Variants in SHANK1 observed in about 807,000 individuals in gnomAD.
SHANK1 encodes the protein SH3 and multiple ankyrin repeat domains 1.
A neutral mutation model predicts 165.6 loss-of-function variants in SHANK1; 35 were observed. The observed-to-expected ratio is 0.21, with a 90% confidence interval of 0.16 to 0.28. The LOEUF is 0.28. SHANK1 is among the 10% of genes least tolerant of loss of function. The probability of loss-of-function intolerance (pLI) is 1.00; values close to 1 mark genes in which losing one functional copy is unlikely to be tolerated. For missense variants in SHANK1, 2,681 were observed against 3,036.4 expected (o/e 0.88, Z 2.75); for synonymous variants, 1,428 against 1,384.8 (o/e 1.03, Z -0.69).
At chr19:50,674,488 C>T (rs569845481) in intron 21 of SHANK1, among the ~76,000 whole-genome samples, 4 of 152,338 alleles carry the variant, frequency 2.6e-5, no homozygotes, top group Admixed American at 1.3e-4. Context: ...CCAGTTCCCT[C>T]GCTTCTCACT....
intron 6 of SHANK1, among the ~76,000 whole-genome samples, chr19:50,712,828 C>T (rs547954434): frequency 1.1e-4 from 17 of 152,350 alleles, no homozygotes; most frequent in African/African-American, 4.1e-4. Context: ...AGCACTTGAA[C>T]GTGGCTAGTG....
rs893602809 is a variant in SHANK1 at position 50,667,034 on chromosome 19, A to C, written c.4926T>G (p.Pro1642=). The change falls in exon 23 of 24, where the codon CCT becomes CCG. Residue 1642 remains proline (P), a synonymous_variant. Transcript: ENST00000293441. The surrounding 1 kb of genome is among the most constrained non-coding windows in gnomAD (Gnocchi z 5.7). ...GCGGGCCTGGTGGATGGGGGTCCCC[A>C]GGAGCGGCGGAGGCCCCCTGGGTCA... ...ATLTQGASAA[P]GDPHPPGPPA... The C allele has an allele frequency of 5.8e-6, 9 of 1,548,208 alleles. No individual in the cohort carries two copies. The African/African-American group carries it at 1.2e-4, about 21-fold the overall frequency.
intron 21 of SHANK1, among the ~76,000 whole-genome samples, chr19:50,680,290 G>A (rs1986134785): frequency 6.6e-6 from 1 of 152,146 alleles, no homozygotes; most frequent in African/African-American, 2.4e-5. Flanking sequence ...AGAGCCCAGA[G>A]AGGAAGGAGG....
rs768623188 is a variant in SHANK1, at chr19:50,703,693, G to A, written c.1360C>T (p.Pro454Ser). 1.4e-5 allele frequency: 21 copies of A among 1,467,118 alleles called. No individual in the cohort carries two copies. The African/African-American group carries it at 3.0e-4, about 21-fold the overall frequency. The allele number at this position is 1,467,118 out of a possible 1,614,324, so 90.9% of individuals were successfully genotyped here. ...ALPDWMVFSAPGAASSGAPGP... is the reference protein window; with the variant it reads ...ALPDWMVFSASGAASSGAPGP... The stretch of plus-strand genomic sequence containing the variant: ...GGGGCCCCAGAGGACGCGGCCCCCG[G>A]GGCGGAGAACACCATCCAGTCGGGC... Residue 454 changes from proline (P) to serine (S), a missense_variant, in exon 11 of 24, where the codon CCG becomes TCG. Pro to Ser is a moderately conservative substitution (Grantham distance 74). Coordinates refer to ENST00000293441, the MANE Select transcript of SHANK1 (RefSeq NM_016148.5).
chr19:50,675,836 T>C (rs1985960844), intron 21 of SHANK1, among the ~76,000 whole-genome samples: 1 of 152,110 alleles, frequency 6.6e-6, no homozygotes, highest in African/African-American at 2.4e-5. Flanking sequence ...ACCCCATCTC[T>C]ACTAAAAATA....
Position 50,697,620 on chromosome 19 carries a change from C to T in SHANK1, c.1906G>A (p.Val636Met), listed in dbSNP as rs775059699. 6 of 1,613,868 alleles carry T rather than the reference C, an allele frequency of 3.7e-6. No homozygotes were observed. The highest frequency in any genetic ancestry group is 2.2e-5 in the East Asian group (1 of 44,898). The change falls in exon 14 of 24, where the codon GTG becomes ATG. Residue 636 changes from valine to methionine, a missense_variant. This residue lies in a region of SHANK1 where 147 missense variants were observed against 256.5 expected (regional missense o/e 0.57). Transcript: ENST00000293441. The surrounding 1 kb of genome is among the most constrained non-coding windows in gnomAD (Gnocchi z 4.7). ...KAKRLFRHYTVGSYDSFDAPS... is the reference protein window; with the variant it reads ...KAKRLFRHYTMGSYDSFDAPS... Reference sequence around the variant, plus strand: ...GCATCAAAGCTGTCGTAGGAGCCCACGGTATAATGCCGGAAGAGTCTCTTT... The same window carrying T: ...GCATCAAAGCTGTCGTAGGAGCCCATGGTATAATGCCGGAAGAGTCTCTTT...
At position 50,662,807 on chromosome 19, in the gene SHANK1, CGGA is replaced by C; in HGVS notation, c.5769-128_5769-126del. 1 of 937,200 alleles carries C rather than the reference CGGA, an allele frequency of 1.1e-6. No individual in the cohort carries two copies. The highest frequency in any genetic ancestry group is 1.6e-5 in the South Asian group (1 of 61,720). The allele number at this position is 937,200 out of a possible 1,614,324, so 58.1% of individuals were successfully genotyped here. A position where few individuals can be genotyped will look rare whatever the true frequency, so the allele number is the denominator to read the frequency against. On this transcript the variant is annotated intron_variant, in intron 23 of 23. Transcript: ENST00000293441. This position sits in a 1 kb window ranked among gnomAD's most constrained non-coding sequence, Gnocchi z 7.7. ...AGAGACATAAGGGTAGGGGGAGAGA[CGGA>C]GGAGAGACGGGAAGAAATGGAGGGA...
In SHANK1 at chr19:50,695,234, C is replaced by T. The variant is rs1013390692; in HGVS notation, c.1964+1862G>A. Among the ~76,000 whole-genome samples, 158 of 134,120 alleles carry T rather than the reference C, an allele frequency of 1.2e-3. 1 individual carries two copies. The highest frequency in any genetic ancestry group is 2.3e-3 in the Non-Finnish European group (142 of 61,292). The allele number at this position is 134,120 out of a possible 152,430, so 88.0% of individuals were successfully genotyped here. A position where few individuals can be genotyped will look rare whatever the true frequency, so the allele number is the denominator to read the frequency against. On this transcript the variant is annotated intron_variant, in intron 15 of 23. Coordinates refer to ENST00000293441, the MANE Select transcript of SHANK1 (RefSeq NM_016148.5). ...CCTCCCGCGGGAGGGAGGGCAGGGC[C>T]GGGGGCTCACATGCCGGGGGGCGCG...
In SHANK1 at chr19:50,667,386, C is replaced by A; in HGVS notation, c.4574G>T (p.Arg1525Leu). ...GGAGGTCGGGGAGGGGGGCACGGAC[C>A]GGCGTGGGCTGGGCGGCGGGACCCC... ...GPGVPPPSPR[R>L]SVPPSPTSPR... The change falls in exon 23 of 24, where the codon CGG (arginine) becomes CTG (leucine). Residue 1525 changes from arginine (R) to leucine (L), a missense_variant. Physicochemically the swap from Arg to Leu is moderately radical, Grantham distance 102. Around this residue, in one of 10 missense-constraint regions of SHANK1, gnomAD observed 1,713 missense variants for 1,630.2 expected, o/e 1.05. Coordinates refer to ENST00000293441, the MANE Select transcript of SHANK1 (RefSeq NM_016148.5). This position sits in a 1 kb window ranked among gnomAD's most constrained non-coding sequence, Gnocchi z 5.7. 1 of 1,525,644 alleles carries A rather than the reference C, an allele frequency of 6.6e-7. No homozygotes were observed. The highest frequency in any genetic ancestry group is 8.8e-7 in the Non-Finnish European group (1 of 1,141,660). 94.5% of individuals were successfully genotyped at this position (1,525,644 alleles called of 1,614,324 possible).
chr19:50,716,644 G>T lies in SHANK1; in HGVS notation c.255+21C>A. 6.4e-7 allele frequency: 1 copy of T among 1,552,770 alleles called. No homozygotes were observed. The highest frequency in any genetic ancestry group is 1.2e-5 in the South Asian group (1 of 81,468). The stretch of plus-strand genomic sequence containing the variant: ...GGGGCACTGTCCCTCTCCTGCCGCT[G>T]GCCAGTGGGCAGGTACTCACTGTCT... On this transcript the variant is annotated intron_variant, in intron 2 of 23. Transcript: ENST00000293441. This position sits in a 1 kb window ranked among gnomAD's most constrained non-coding sequence, Gnocchi z 8.4.
At chr19:50,693,379 C>G (rs1344366693) in intron 15 of SHANK1, among the ~76,000 whole-genome samples, 3 of 151,664 alleles carry the variant, frequency 2.0e-5, no homozygotes, top group African/African-American at 2.4e-5. Context: ...GTCCCTCCCC[C>G]TTGCCCCCCA....
At chr19:50,666,101 G>A in intron 23 of SHANK1, 91 bp downstream of exon 23, 1 of 1,290,008 alleles carries the variant, frequency 7.8e-7, no homozygotes, top group Non-Finnish European at 1.0e-6. Flanking sequence ...CCTGGTTTCT[G>A]TTTCCTTTCT....
Position 50,701,387 on chromosome 19 carries a change from T to A in SHANK1, c.1747+1080A>T, listed in dbSNP as rs189743087. ...TTTGTATTTTTAGTAGAGATGGGGA[T>A]TCACCATGTTGGCCAGGCTGGTCTC... is the stretch of plus-strand genomic sequence containing the variant. On this transcript the variant is annotated intron_variant, in intron 12 of 23. Transcript: ENST00000293441. Among the ~76,000 whole-genome samples, 22 of 150,938 alleles carry A rather than the reference T, an allele frequency of 1.5e-4. No homozygotes were observed. The Admixed American group carries it at 1.5e-3, about 10-fold the overall frequency.
chr19:50,688,978 G>A lies in SHANK1; in HGVS notation c.2048-10C>T. On this transcript the variant is annotated splice_polypyrimidine_tract_variant and intron_variant, in intron 16 of 23. Transcript: ENST00000293441. The surrounding 1 kb of genome is among the most constrained non-coding windows in gnomAD (Gnocchi z 6.7). The stretch of plus-strand genomic sequence containing the variant: ...TCGATGGGGGTCTGCGCTGCAGACA[G>A]GGAGGAGCCGGCGGGGTCGGAGGGG... 2.0e-6 allele frequency: 3 copies of A among 1,537,242 alleles called. No homozygotes were observed. Among genetic ancestry groups the A allele is most frequent in the Non-Finnish European group, 2.6e-6 (3 of 1,135,496 alleles).
intron 23 of SHANK1, among the ~76,000 whole-genome samples, chr19:50,665,639 G>A (rs557933336): frequency 6.9e-6 from 1 of 144,388 alleles, no homozygotes; most frequent in Non-Finnish European, 1.5e-5. Context: ...TGCACCTATA[G>A]TCCCAGAGGA....
intron 15 of SHANK1, among the ~76,000 whole-genome samples, chr19:50,692,748 C>T (rs1266540967): frequency 6.6e-6 from 1 of 151,700 alleles, no homozygotes; most frequent in African/African-American, 2.4e-5. Flanking sequence ...TACCCCTCCT[C>T]TCTGCACCTC....
chr19:50,670,887 G>A lies in SHANK1; in HGVS notation c.2674+1131C>T, dbSNP rs1417975344. Among the ~76,000 whole-genome samples the A allele has an allele frequency of 6.6e-6, 1 of 151,720 alleles. No individual in the cohort carries two copies. The highest frequency in any genetic ancestry group is 1.5e-5 in the Non-Finnish European group (1 of 67,966). ...TTGCTCACTGCAACCTCTGCCTCTC[G>A]GGTTCAAGCTATTCTCCTGCCTCAG... On this transcript the variant is annotated intron_variant, in intron 22 of 23. Transcript: ENST00000293441. This position sits in a 1 kb window ranked among gnomAD's most constrained non-coding sequence, Gnocchi z 4.1.
chr19:50,703,395 G>A lies in SHANK1; in HGVS notation c.1553+105C>T, dbSNP rs1185905606. The A allele has an allele frequency of 6.3e-6, 6 of 946,382 alleles. 1 individual carries two copies. In the Admixed American group the frequency reaches 9.9e-5, roughly 16 times the overall value. 58.6% of individuals were successfully genotyped at this position (946,382 alleles called of 1,614,324 possible). On this transcript the variant is annotated intron_variant, in intron 11 of 23. Coordinates refer to ENST00000293441, the MANE Select transcript of SHANK1 (RefSeq NM_016148.5). ...AAGGTGACACTAGGGACTTGGATGA[G>A]GGCCTACAGAGGAAGGCAGCTGGGC...
chr19:50,680,817 A>G (rs1012430785), intron 21 of SHANK1, among the ~76,000 whole-genome samples: 1 of 152,138 alleles, frequency 6.6e-6, no homozygotes, highest in Admixed American at 6.5e-5. Context: ...CACCACACCC[A>G]GCAAATTTTT....
Sources: allele counts gnomAD v4.1 joint callset (sites outside exome capture counted in the v4.1 genomes callset), GRCh38; gene constraint gnomAD v4.1.1; regional missense constraint gnomAD v4.1.1; non-coding constraint Gnocchi (gnomAD v3.1); transcripts MANE v1.5; gene names NCBI Gene and HGNC (gene_info 2026-07-23, HGNC 2026-07-21).